Variants in ARB2A observed in about 807,000 individuals in gnomAD.
The protein encoded by ARB2A is cotranscriptional regulator ARB2A.
At chr5:93,777,900 G>A in the ARB2A span, among the ~76,000 whole-genome samples, 1 of 152,140 alleles carries the variant, frequency 6.6e-6, no homozygotes, top group Non-Finnish European at 1.5e-5. Flanking sequence ...ACTGTTCTGG[G>A]ACCAGGGAGA....
the ARB2A span, among the ~76,000 whole-genome samples, chr5:93,922,664 A>AAGGGAGGGAGGG: frequency 1.1e-3 from 36 of 31,784 alleles, 1 homozygote; most frequent in African/African-American, 4.4e-3. Flanking sequence ...GGGAGGGAGG[A>AAGGGAGGGAGGG]AGGGAGGGAG....
chr5:93,835,792 T>C, the ARB2A span, among the ~76,000 whole-genome samples: 1 of 152,168 alleles, frequency 6.6e-6, no homozygotes, highest in Non-Finnish European at 1.5e-5. Flanking sequence ...TGATTTGCTA[T>C]TTACATTGGT....
At chr5:93,720,699 A>G in the ARB2A span, among the ~76,000 whole-genome samples, 1 of 152,218 alleles carries the variant, frequency 6.6e-6, no homozygotes, top group Non-Finnish European at 1.5e-5. Context: ...TTAAAAGTCT[A>G]AGACAAGCTC....
At chr5:94,059,276 G>C in the ARB2A span, among the ~76,000 whole-genome samples, 1 of 151,772 alleles carries the variant, frequency 6.6e-6, no homozygotes, top group Non-Finnish European at 1.5e-5. Context: ...TAAACACTGA[G>C]AAAATGATAC....
the ARB2A span, among the ~76,000 whole-genome samples, chr5:93,637,083 C>A: frequency 1.3e-5 from 2 of 152,204 alleles, no homozygotes; most frequent in Non-Finnish European, 2.9e-5. Context: ...TCCTTCCCCC[C>A]AGCTCCCCTC....
At chr5:93,914,181 G>A in the ARB2A span, among the ~76,000 whole-genome samples, 2 of 151,862 alleles carry the variant, frequency 1.3e-5, no homozygotes, top group Non-Finnish European at 1.5e-5. Flanking sequence ...GAGGGTTTGG[G>A]AATCTGTAGA....
At chr5:93,727,452 T>C in the ARB2A span, among the ~76,000 whole-genome samples, 1 of 152,184 alleles carries the variant, frequency 6.6e-6, no homozygotes, top group East Asian at 1.9e-4. Flanking sequence ...CTACCTGAAG[T>C]TGAGTTACAA....
the ARB2A span, among the ~76,000 whole-genome samples, chr5:93,677,779 G>A: frequency 1.3e-5 from 2 of 152,136 alleles, no homozygotes; most frequent in Admixed American, 6.6e-5. Context: ...TTATGCTTAG[G>A]GATAAGCAAT....
chr5:93,986,887 C>G, the ARB2A span, among the ~76,000 whole-genome samples: 1 of 152,088 alleles, frequency 6.6e-6, no homozygotes, highest in South Asian at 2.1e-4. Flanking sequence ...CAGAAGGCCG[C>G]AGGGTCCTCT....
the ARB2A span, among the ~76,000 whole-genome samples, chr5:93,697,303 G>C: frequency 6.6e-6 from 1 of 151,614 alleles, no homozygotes; most frequent in Non-Finnish European, 1.5e-5. Context: ...CTTTATGAAT[G>C]CTTGGGAATT....
the ARB2A span, among the ~76,000 whole-genome samples, chr5:94,076,858 G>T: frequency 6.6e-6 from 1 of 151,964 alleles, no homozygotes; most frequent in Non-Finnish European, 1.5e-5. Flanking sequence ...GCCCCAAATT[G>T]TCCGATTTCT....
the ARB2A span, among the ~76,000 whole-genome samples, chr5:93,810,414 G>C: frequency 6.6e-6 from 1 of 151,910 alleles, no homozygotes; most frequent in African/African-American, 2.4e-5. Flanking sequence ...GTTTTGTTTT[G>C]CTTTTGGAGA....
chr5:93,715,512 C>G, the ARB2A span, among the ~76,000 whole-genome samples: 1 of 152,142 alleles, frequency 6.6e-6, no homozygotes, highest in Non-Finnish European at 1.5e-5. Flanking sequence ...GGTTAAGAAG[C>G]TGATTATAGC....
chr5:93,892,951 C>A, the ARB2A span, among the ~76,000 whole-genome samples: 1 of 152,024 alleles, frequency 6.6e-6, no homozygotes, highest in Non-Finnish European at 1.5e-5. Context: ...AAATTTACAC[C>A]TTTAAAAAAT....
the ARB2A span, among the ~76,000 whole-genome samples, chr5:93,828,811 C>G: frequency 6.6e-6 from 1 of 152,312 alleles, no homozygotes; most frequent in Admixed American, 6.5e-5. Context: ...GAGTCCTGCT[C>G]TGTTGCCTGC....
At chr5:93,721,202 T>G in the ARB2A span, among the ~76,000 whole-genome samples, 1 of 152,156 alleles carries the variant, frequency 6.6e-6, no homozygotes, top group African/African-American at 2.4e-5. Context: ...GAGGCAGCTC[T>G]GTAAGATGAA....
the ARB2A span, among the ~76,000 whole-genome samples, chr5:93,933,211 A>G: frequency 1.3e-5 from 2 of 152,220 alleles, no homozygotes; most frequent in African/African-American, 2.4e-5. Flanking sequence ...GTGGAAATGT[A>G]AATTAATTCA....
chr5:93,918,610 T>C, the ARB2A span, among the ~76,000 whole-genome samples: 7 of 151,776 alleles, frequency 4.6e-5, no homozygotes, highest in African/African-American at 1.7e-4. Context: ...TTAGTAGATA[T>C]GGGTTTTCAC....
the ARB2A span, among the ~76,000 whole-genome samples, chr5:94,063,074 C>A: frequency 1.3e-5 from 2 of 152,150 alleles, no homozygotes; most frequent in South Asian, 4.1e-4. Context: ...GCAGTCACTG[C>A]CGCCCATACT....
Sources: allele counts gnomAD v4.1 joint callset (sites outside exome capture counted in the v4.1 genomes callset), GRCh38; gene constraint gnomAD v4.1.1; transcripts MANE v1.5; gene names NCBI Gene and HGNC (gene_info 2026-07-23, HGNC 2026-07-21).